Variants in ZAR1L observed in about 807,000 individuals in gnomAD.
ZAR1L encodes protein ZAR1-like.
Under a neutral mutation model 30.0 loss-of-function variants are expected in ZAR1L, and 16 were observed. The observed-to-expected ratio is 0.53, with a 90% confidence interval of 0.36 to 0.81. ZAR1L has a LOEUF of 0.81. ZAR1L is among the 30% of genes least tolerant of loss of function. ZAR1L has a pLI of 0.00. For synonymous variants in ZAR1L, 197 were observed against 166.8 expected, an observed-to-expected ratio of 1.18 and a Z score of -1.40; for missense variants, 392 against 417.2, an observed-to-expected ratio of 0.94 and a Z score of 0.53.
At chr13:32,304,247 C>G (rs1006524759) in intron 5 of ZAR1L, among the ~76,000 whole-genome samples, 4 of 152,150 alleles carry the variant, frequency 2.6e-5, no homozygotes, top group African/African-American at 7.2e-5. Context: ...GAGAATACTG[C>G]AGAGCCAATC....
In ZAR1L at chr13:32,311,270, A is replaced by G. The variant is rs769713423; in HGVS notation, c.654+2T>C. ...ACTAAGAAGAGGGAAGAGAGGATCT[A>G]CCTGGAAGTTGGGCCTCCGGAGCGG... On this transcript the variant is annotated splice_donor_variant, in intron 3 of 5. Coordinates refer to ENST00000533490, the MANE Select transcript of ZAR1L (RefSeq NM_001136571.2). LOFTEE classifies it high-confidence loss of function. The G allele has an allele frequency of 6.5e-7, 1 of 1,546,662 alleles. No homozygotes were observed. The highest frequency in any genetic ancestry group is 8.7e-7 in the Non-Finnish European group (1 of 1,144,668).
At chr13:32,314,626 A>C (rs1158563788) in intron 1 of ZAR1L, 76 bp from the exon 2 acceptor site, 1 of 152,224 alleles carries the variant, frequency 6.6e-6, no homozygotes, top group Non-Finnish European at 1.5e-5. Flanking sequence ...CGAGGCAGGC[A>C]GATCACCTGA....
chr13:32,306,321 T>G (rs1221402293), intron 5 of ZAR1L, among the ~76,000 whole-genome samples: 2 of 152,150 alleles, frequency 1.3e-5, no homozygotes, highest in East Asian at 3.9e-4. Flanking sequence ...AGAAGTAACA[T>G]TTGAAAAGAT....
At chr13:32,314,866 A>G (rs1324470264) in intron 1 of ZAR1L, among the ~76,000 whole-genome samples, 1 of 152,114 alleles carries the variant, frequency 6.6e-6, no homozygotes, top group Non-Finnish European at 1.5e-5. Flanking sequence ...AAAAAAAGCA[A>G]AAGATACTAC....
rs1475445826 is a variant in ZAR1L at position 32,311,832 on chromosome 13, G to A, written c.94C>T (p.Pro32Ser). 34 of 1,551,584 alleles carry A rather than the reference G, an allele frequency of 2.2e-5. No individual in the cohort carries two copies. The highest frequency in any genetic ancestry group is 7.8e-5 in the Admixed American group (4 of 50,982). The change falls in exon 3 of 6, where the codon CCC becomes TCC. Residue 32 changes from proline (P) to serine (S), a missense_variant. Transcript: ENST00000533490. ...GQPGLSGHKQ[P>S]DWRQNMGPPT... Reference sequence around the variant, plus strand: ...GGACCCATATTTTGCCTCCAGTCGGGCTGTTTGTGCCCTGAGAGTCCAGGC... The same window carrying A: ...GGACCCATATTTTGCCTCCAGTCGGACTGTTTGTGCCCTGAGAGTCCAGGC...
chr13:32,308,585 C>G, intron 5 of ZAR1L, 101 bp downstream of exon 5: 2 of 819,504 alleles, frequency 2.4e-6, no homozygotes, highest in South Asian at 3.2e-5. Flanking sequence ...ACAGAACACT[C>G]ACATACCAAT....
chr13:32,308,993 T>G (rs1453654706), intron 4 of ZAR1L, among the ~76,000 whole-genome samples: 255 of 48,928 alleles, frequency 5.2e-3, no homozygotes, highest in African/African-American at 0.015. Context: ...TTGGAATACA[T>G]TTTTTTTTTT....
intron 2 of ZAR1L, among the ~76,000 whole-genome samples, chr13:32,312,571 A>G (rs943956283): frequency 1.3e-5 from 2 of 152,218 alleles, no homozygotes; most frequent in Admixed American, 1.3e-4. Context: ...ATGGAATATT[A>G]TTCAGCCTTA....
Position 32,309,252 on chromosome 13 carries a change from A to T in ZAR1L, c.748-492T>A, listed in dbSNP as rs930602851. Among the ~76,000 whole-genome samples the T allele has an allele frequency of 4.6e-5, 7 of 152,070 alleles. No individual in the cohort carries two copies. The South Asian group carries it at 8.3e-4, about 18-fold the overall frequency. On this transcript the variant is annotated intron_variant, in intron 4 of 5. Transcript: ENST00000533490. ...AATGATCTACCCACCTCGGCCTCCC[A>T]AAGTGCTGGGATTACAAGCCTGAGC...
intron 4 of ZAR1L, among the ~76,000 whole-genome samples, 196 bp downstream of exon 4, chr13:32,310,443 T>C (rs1175775941): frequency 1.3e-5 from 2 of 152,256 alleles, no homozygotes; most frequent in Non-Finnish European, 2.9e-5. Flanking sequence ...CGCCAGAGTA[T>C]GGTTCGGAAA....
At chr13:32,304,107 A>G (rs1207464372) in intron 5 of ZAR1L, 85 bp from the exon 6 acceptor site, 36 of 1,393,386 alleles carry the variant, frequency 2.6e-5, no homozygotes, top group South Asian at 4.4e-5. Flanking sequence ...ACTTCTCCCT[A>G]TTACCCTATC....
chr13:32,306,378 T>G (rs796890638), intron 5 of ZAR1L, among the ~76,000 whole-genome samples: 5 of 152,204 alleles, frequency 3.3e-5, no homozygotes, highest in African/African-American at 1.2e-4. Context: ...TAAGCTGCAG[T>G]TTCAAGAAAC....
At position 32,303,734 on chromosome 13, in the gene ZAR1L, T is replaced by C; in HGVS notation, c.*145A>G. 2 of 731,034 alleles carry C rather than the reference T, an allele frequency of 2.7e-6. No homozygotes were observed. Among genetic ancestry groups the C allele is most frequent in the East Asian group, 2.8e-5 (1 of 35,858 alleles). 45.3% of individuals were successfully genotyped at this position (731,034 alleles called of 1,614,324 possible). A position where few individuals can be genotyped will look rare whatever the true frequency, so the allele number is the denominator to read the frequency against. On this transcript the variant is annotated 3_prime_UTR_variant, in exon 6 of 6. Transcript: ENST00000533490. ...ATGCATTTATTTTATTCTATTCACATTGTACAATTGTTACACAATCTACAA... is the reference window on the plus strand; with the variant it reads ...ATGCATTTATTTTATTCTATTCACACTGTACAATTGTTACACAATCTACAA...
At position 32,303,933 on chromosome 13, in the gene ZAR1L, G is replaced by A. The variant is rs752300919; in HGVS notation, c.912C>T (p.Cys304=). Residue 304 remains cysteine (C), a synonymous_variant, in exon 6 of 6, where the codon TGC becomes TGT. Coordinates refer to ENST00000533490, the MANE Select transcript of ZAR1L (RefSeq NM_001136571.2). Reference sequence around the variant, plus strand: ...TGCCACAGGAGAATCTCTTGTCTTTGCAGCGACCACACAGTTCCTGTCGAT... The same window carrying A: ...TGCCACAGGAGAATCTCTTGTCTTTACAGCGACCACACAGTTCCTGTCGAT... ...RPHRQELCGR[C]KDKRFSCGNI... 5 of 1,551,884 alleles carry A rather than the reference G, an allele frequency of 3.2e-6. No homozygotes were observed. The highest frequency in any genetic ancestry group is 2.4e-5 in the South Asian group (2 of 84,066).
chr13:32,311,328 T>C lies in ZAR1L; in HGVS notation c.598A>G (p.Ser200Gly), dbSNP rs2072210612. The change falls in exon 3 of 6, where the codon AGC (serine) becomes GGC (glycine). Residue 200 changes from serine to glycine, a missense_variant. Coordinates refer to ENST00000533490, the MANE Select transcript of ZAR1L (RefSeq NM_001136571.2). ...GCGGCGTCTCCAGGCACCTGCTTGC[T>C]CTTCGTCTCCTGAGGGCACGGGGCG... ...KDAPCPQETKSKQVPGDAASE... is the reference protein window; with the variant it reads ...KDAPCPQETKGKQVPGDAASE... The C allele has an allele frequency of 1.9e-6, 3 of 1,550,874 alleles. No individual in the cohort carries two copies. The highest frequency in any genetic ancestry group is 2.6e-6 in the Non-Finnish European group (3 of 1,146,940).
rs1004711959 is a variant in ZAR1L, at chr13:32,310,721, G to A, written c.665C>T (p.Pro222Leu). Residue 222 changes from proline (P) to leucine (L), a missense_variant, in exon 4 of 6, where the codon CCA becomes CTA. By Grantham distance (98) the Pro-to-Leu change is moderately conservative. Coordinates refer to ENST00000533490, the MANE Select transcript of ZAR1L (RefSeq NM_001136571.2). ...LRRPNFQFLE[P>L]KYGYFHCKDC... ...TTTACAGTGGAAATAGCCATATTTT[G>A]GTTCCAAAAACTGAAAATAAAGAAG... 6 of 1,550,532 alleles carry A rather than the reference G, an allele frequency of 3.9e-6. No homozygotes were observed. The African/African-American group carries it at 4.1e-5, about 11-fold the overall frequency.
intron 3 of ZAR1L, 32 bp downstream of exon 3, chr13:32,311,240 C>A: frequency 1.3e-6 from 2 of 1,515,820 alleles, no homozygotes; most frequent in South Asian, 1.3e-5. Context: ...TGAGGCTGGT[C>A]GAGGACTAAG....
At position 32,311,503 on chromosome 13, in the gene ZAR1L, G is replaced by T; in HGVS notation, c.423C>A (p.Gly141=). 6.5e-7 allele frequency: 1 copy of T among 1,540,994 alleles called. No homozygotes were observed. Among genetic ancestry groups the T allele is most frequent in the South Asian group, 1.2e-5 (1 of 83,758 alleles). The change falls in exon 3 of 6, where the codon GGC becomes GGA. Residue 141 remains glycine (G), a synonymous_variant. Transcript: ENST00000533490. ...GVTSPATGRR[G]LIRLRRDGDE... ...CCCCATCTCTCCGCAGGCGGATCAA[G>T]CCCCTGCGGCCGGTGGCGGGCGAAG...
rs1043956662 is a variant in ZAR1L, at chr13:32,309,808, A to C, written c.747+831T>G. On this transcript the variant is annotated intron_variant, in intron 4 of 5. Transcript: ENST00000533490. The stretch of plus-strand genomic sequence containing the variant: ...AAACTCATTTTTCTTCTGGCAAGAG[A>C]AGGAAGTAAATTCAACTTCAACTTT... Among the ~76,000 whole-genome samples, 4 of 152,330 alleles carry C rather than the reference A, an allele frequency of 2.6e-5. No individual in the cohort carries two copies. In the East Asian group the frequency reaches 5.8e-4, roughly 22 times the overall value.
Sources: allele counts gnomAD v4.1 joint callset (sites outside exome capture counted in the v4.1 genomes callset), GRCh38; gene constraint gnomAD v4.1.1; transcripts MANE v1.5; gene names NCBI Gene and HGNC (gene_info 2026-07-23, HGNC 2026-07-21).